Variants in ZNF18 observed in about 807,000 individuals in gnomAD.
ZNF18 encodes the protein zinc finger protein 18, also known as heart development-specific gene 1 protein.
ZNF18 carries 42 observed loss-of-function variants against 58.1 expected under a neutral mutation model. The ratio of observed to expected loss-of-function variants is 0.72; its 90% CI spans 0.56 to 0.93. The LOEUF (loss-of-function observed/expected upper bound fraction) is 0.93. Among genes scored for constraint, ZNF18 ranks in the 40% least tolerant of loss-of-function variants. ZNF18 has a pLI of 0.00. For missense variants in ZNF18, 540 were observed against 644.2 expected (o/e 0.84, Z 1.75); for synonymous variants, 231 against 239.8 (o/e 0.96, Z 0.34).
At chr17:11,996,506 A>C (rs1968477791) in intron 1 of ZNF18, among the ~76,000 whole-genome samples, 4 of 152,182 alleles carry the variant, frequency 2.6e-5, no homozygotes, top group African/African-American at 9.6e-5. Flanking sequence ...AGTGTGTAAG[A>C]AAAATGTCTC....
the ZNF18 span, among the ~76,000 whole-genome samples, chr17:12,004,288 A>G: frequency 6.6e-6 from 1 of 152,152 alleles, no homozygotes; most frequent in Admixed American, 6.6e-5. Context: ...ATTGAGACAT[A>G]CTGAAGTTAG....
chr17:12,013,587 A>G, the ZNF18 span, among the ~76,000 whole-genome samples: 1 of 152,194 alleles, frequency 6.6e-6, no homozygotes, highest in East Asian at 1.9e-4. Context: ...TCTCAAAAGT[A>G]TTTGAGTCTA....
intron 6 of ZNF18, 85 bp from the exon 7 acceptor site, chr17:11,978,829 A>G: frequency 1.5e-6 from 1 of 648,598 alleles, no homozygotes; most frequent in Non-Finnish European, 2.3e-6. Context: ...TCATCATAAA[A>G]CATTCATTTT....
chr17:12,010,450 T>G, the ZNF18 span, among the ~76,000 whole-genome samples: 1 of 151,862 alleles, frequency 6.6e-6, no homozygotes, highest in African/African-American at 2.4e-5. Flanking sequence ...GGAGTCTTGC[T>G]CTCTCGCCAG....
chr17:11,990,044 G>T (rs1968003509), intron 4 of ZNF18, among the ~76,000 whole-genome samples: 1 of 151,938 alleles, frequency 6.6e-6, no homozygotes, highest in Non-Finnish European at 1.5e-5. Flanking sequence ...TAAAGGAGAG[G>T]AGAAATAAGC....
Position 11,978,381 on chromosome 17 carries a change from G to T in ZNF18, c.1226C>A (p.Thr409Asn). The T allele has an allele frequency of 6.4e-7, 1 of 1,552,618 alleles. No individual in the cohort carries two copies. Among genetic ancestry groups the T allele is most frequent in the Non-Finnish European group, 8.7e-7 (1 of 1,153,740 alleles). ...AAAGGTCTTCCCACACTCCCTGCAG[G>T]TGGGGAGCTTCTGGGCCATGGGGGC... ...PRAPMAQKLP[T>N]CRECGKTFYR... is the part of the protein sequence containing the mutation. The change falls in exon 7 of 7, where the codon ACC becomes AAC. Residue 409 changes from threonine to asparagine, a missense_variant. By Grantham distance (65) the Thr-to-Asn change is moderately conservative. Transcript: ENST00000580306.
the ZNF18 span, among the ~76,000 whole-genome samples, chr17:12,011,693 T>TA: frequency 4.8e-5 from 6 of 124,422 alleles, no homozygotes; most frequent in Non-Finnish European, 1.0e-4. Context: ...CAAATGTTCT[T>TA]AATTTTTTTT....
Position 11,978,534 on chromosome 17 carries a change from T to C in ZNF18, c.1073A>G (p.Gln358Arg), listed in dbSNP as rs759647910. 4.3e-6 allele frequency: 7 copies of C among 1,612,204 alleles called. No individual in the cohort carries two copies. In the South Asian group the frequency reaches 7.7e-5, roughly 18 times the overall value. The stretch of plus-strand genomic sequence containing the variant: ...AGAAATCCTTTCTTGAGGAGACAGC[T>C]GTTCCCCTGTTCCCTCATCCTGAAT... ...QNIQDEGTGE[Q>R]LSPQERISEK... The change falls in exon 7 of 7, where the codon CAG becomes CGG. Residue 358 changes from glutamine (Q) to arginine (R), a missense_variant. Physicochemically the swap from Gln to Arg is conservative, Grantham distance 43. Transcript: ENST00000580306.
At chr17:12,005,549 T>A in the ZNF18 span, among the ~76,000 whole-genome samples, 1 of 152,180 alleles carries the variant, frequency 6.6e-6, no homozygotes, top group South Asian at 2.1e-4. Flanking sequence ...TAGTATCTGC[T>A]GCCAATGATG....
chr17:12,004,887 C>CAAAAAAA, the ZNF18 span, among the ~76,000 whole-genome samples: 1 of 56,208 alleles, frequency 1.8e-5, no homozygotes. Context: ...AACTCCATCT[C>CAAAAAAA]AAAAAAAAAA....
chr17:12,020,971 C>G, the ZNF18 span: 1 of 1,213,916 alleles, frequency 8.2e-7, no homozygotes, highest in Non-Finnish European at 1.0e-6. Flanking sequence ...GTCCCCGGCG[C>G]CAGGCCACCC....
the ZNF18 span, among the ~76,000 whole-genome samples, chr17:12,009,503 A>T: frequency 1.3e-4 from 18 of 143,950 alleles, no homozygotes; most frequent in Non-Finnish European, 2.4e-4. Flanking sequence ...CCCAGGCTGG[A>T]GCGCAGTGGC....
chr17:11,985,216 C>T (rs1967660451), intron 4 of ZNF18, among the ~76,000 whole-genome samples: 1 of 152,144 alleles, frequency 6.6e-6, no homozygotes, highest in African/African-American at 2.4e-5. Flanking sequence ...ACTGGAGACT[C>T]AAAACTGGGA....
the ZNF18 span, among the ~76,000 whole-genome samples, chr17:12,010,456 G>A: frequency 2.0e-5 from 3 of 149,400 alleles, no homozygotes; most frequent in East Asian, 2.0e-4. Context: ...TTGCTCTCTC[G>A]CCAGTCTGGA....
chr17:12,017,566 T>C, the ZNF18 span, among the ~76,000 whole-genome samples: 5 of 152,160 alleles, frequency 3.3e-5, no homozygotes, highest in Admixed American at 3.3e-4. Flanking sequence ...TTTCTTTATT[T>C]GGAATGTGAA....
upstream of ZNF18, among the ~76,000 whole-genome samples, chr17:12,000,652 G>A (rs1299909028): frequency 6.6e-6 from 1 of 152,170 alleles, no homozygotes; most frequent in Non-Finnish European, 1.5e-5. Flanking sequence ...GGAGGCAGAG[G>A]TTGCAGTGAG....
chr17:12,012,091 C>T, the ZNF18 span, among the ~76,000 whole-genome samples: 3 of 152,130 alleles, frequency 2.0e-5, no homozygotes, highest in Non-Finnish European at 4.4e-5. Flanking sequence ...TAAAGTGTCC[C>T]TCTCAATCCT....
At chr17:11,984,485 G>A (rs1192148412) in intron 4 of ZNF18, among the ~76,000 whole-genome samples, 6 of 151,520 alleles carry the variant, frequency 4.0e-5, no homozygotes, top group Admixed American at 1.3e-4. Flanking sequence ...TAGAGGGCAG[G>A]AGCCTTTTCC....
At chr17:12,020,878 C>A in the ZNF18 span, 1 of 1,190,026 alleles carries the variant, frequency 8.4e-7, no homozygotes, top group Non-Finnish European at 1.0e-6. Context: ...CGGCTCTTCA[C>A]TCCCAACAAT....
Sources: gnomAD v4.1 joint callset for allele counts (sites outside exome capture counted in the v4.1 genomes callset) on GRCh38, gnomAD v4.1.1 for gene constraint, MANE v1.5 for transcripts, NCBI Gene and HGNC (gene_info 2026-07-23, HGNC 2026-07-21) for gene names.